The following RALYL variants were observed in gnomAD, a reference collection of about 807,000 sequenced individuals.
RALYL encodes RALY RNA binding protein like.
In RALYL, 29 loss-of-function variants were observed where a neutral mutation model predicts 35.1. That is an observed-to-expected ratio of 0.83 (90% CI 0.61 to 1.13). The LOEUF is 1.13. Among genes scored for constraint, RALYL ranks in the 50% most tolerant of loss-of-function variants. The probability of loss-of-function intolerance (pLI) is 0.00; values close to 1 mark genes in which losing one functional copy is unlikely to be tolerated. For synonymous variants in RALYL, 120 were observed against 127.6 expected, an observed-to-expected ratio of 0.94 and a Z score of 0.40; for missense variants, 359 against 360.4, an observed-to-expected ratio of 1.00 and a Z score of 0.03.
At chr8:84,550,536 G>T (rs2060644704) in intron 2 of RALYL, among the ~76,000 whole-genome samples, 1 of 151,662 alleles carries the variant, frequency 6.6e-6, no homozygotes, top group Non-Finnish European at 1.5e-5. Flanking sequence ...AAGTGAAGCT[G>T]AAAAATTACC....
intron 1 of RALYL, among the ~76,000 whole-genome samples, chr8:84,375,251 C>T (rs1856683404): frequency 6.6e-6 from 1 of 151,760 alleles, no homozygotes; most frequent in Non-Finnish European, 1.5e-5. Flanking sequence ...CTATTATTTG[C>T]CATTCAGTAT....
At chr8:84,329,353 T>A (rs775516427) in intron 1 of RALYL, among the ~76,000 whole-genome samples, 3 of 152,128 alleles carry the variant, frequency 2.0e-5, no homozygotes, top group Non-Finnish European at 4.4e-5. Flanking sequence ...TCTCTGATGA[T>A]TAGTGATGTA....
At chr8:84,790,735 T>C (rs1820575626) in intron 3 of RALYL, among the ~76,000 whole-genome samples, 1 of 152,134 alleles carries the variant, frequency 6.6e-6, no homozygotes, top group African/African-American at 2.4e-5. Flanking sequence ...GCAGTTACAT[T>C]GTGGAAGAAG....
intron 2 of RALYL, among the ~76,000 whole-genome samples, chr8:84,575,710 A>C (rs897645615): frequency 6.6e-6 from 1 of 152,188 alleles, no homozygotes; most frequent in Non-Finnish European, 1.5e-5. Flanking sequence ...TCTCATTGGC[A>C]TATCCAAGAG....
chr8:84,710,325 G>A lies in RALYL; in HGVS notation c.257-64254G>A, dbSNP rs554557175. Among the ~76,000 whole-genome samples, 6 of 152,052 alleles carry A rather than the reference G, an allele frequency of 3.9e-5. No homozygotes were observed. In the South Asian group the frequency reaches 1.2e-3, roughly 32 times the overall value. The stretch of plus-strand genomic sequence containing the variant: ...GTTTGTTTGTTTGTTTTGAGACAGA[G>A]CCTCACTCTGTCACCAAGCTGGAGT... On this transcript the variant is annotated intron_variant, in intron 2 of 8. Coordinates refer to ENST00000521268, the MANE Select transcript of RALYL (RefSeq NM_173848.7).
intron 1 of RALYL, among the ~76,000 whole-genome samples, chr8:84,340,755 T>G (rs2130876412): frequency 6.6e-6 from 1 of 152,196 alleles, no homozygotes. Context: ...CTTGGCTGTT[T>G]TAAATGATGC....
At chr8:84,609,904 C>T (rs1010314381) in intron 2 of RALYL, among the ~76,000 whole-genome samples, 2 of 152,052 alleles carry the variant, frequency 1.3e-5, no homozygotes, top group Admixed American at 6.6e-5. Flanking sequence ...GGATGCCTCA[C>T]GTAGTGGCAG....
At chr8:84,219,560 G>A (rs978352537) in intron 1 of RALYL, among the ~76,000 whole-genome samples, 20 of 150,940 alleles carry the variant, frequency 1.3e-4, no homozygotes, top group East Asian at 7.7e-4. Flanking sequence ...CTCACACTTC[G>A]TATTAAGTGT....
At chr8:84,414,914 C>T (rs543308411) in intron 1 of RALYL, among the ~76,000 whole-genome samples, 4 of 152,214 alleles carry the variant, frequency 2.6e-5, no homozygotes, top group African/African-American at 9.6e-5. Flanking sequence ...TGGTAATCAT[C>T]GGAAGCACTT....
At chr8:84,226,874 C>A (rs975759718) in intron 1 of RALYL, among the ~76,000 whole-genome samples, 2 of 151,896 alleles carry the variant, frequency 1.3e-5, no homozygotes, top group Non-Finnish European at 2.9e-5. Flanking sequence ...GATCACATTG[C>A]AATATGTTGC....
intron 2 of RALYL, among the ~76,000 whole-genome samples, chr8:84,700,006 A>G (rs922580706): frequency 1.3e-5 from 2 of 152,120 alleles, no homozygotes; most frequent in Non-Finnish European, 2.9e-5. Context: ...AAATACTTGA[A>G]CCCATCCAAA....
intron 4 of RALYL, among the ~76,000 whole-genome samples, chr8:84,814,636 A>ACTGT (rs1826746420): frequency 1.3e-5 from 2 of 152,168 alleles, no homozygotes; most frequent in Admixed American, 1.3e-4. Flanking sequence ...GGAAAAAAAA[A>ACTGT]CTGTCAAAGA....
At chr8:84,577,803 G>C (rs1244220997) in intron 2 of RALYL, among the ~76,000 whole-genome samples, 2 of 152,094 alleles carry the variant, frequency 1.3e-5, no homozygotes, top group East Asian at 3.9e-4. Flanking sequence ...GAAAAGTTTT[G>C]ATTCATCATA....
At chr8:84,885,519 G>C (rs1842806826) in intron 7 of RALYL, among the ~76,000 whole-genome samples, 1 of 152,066 alleles carries the variant, frequency 6.6e-6, no homozygotes, top group Non-Finnish European at 1.5e-5. Context: ...AAGATAAAAA[G>C]TATAGTTTTA....
At chr8:84,463,585 T>A (rs140329713) in intron 1 of RALYL, among the ~76,000 whole-genome samples, 1 of 152,186 alleles carries the variant, frequency 6.6e-6, no homozygotes, top group East Asian at 1.9e-4. Context: ...AGATTTAGCG[T>A]GTGTCTGATA....
Position 84,508,197 on chromosome 8 carries a change from C to G in RALYL, c.-23-21102C>G, listed in dbSNP as rs146527162. 1.1e-3 allele frequency among the ~76,000 whole-genome samples: 165 copies of G among 151,926 alleles called. 2 individuals are homozygous for G. The highest frequency in any genetic ancestry group is 3.8e-3 in the African/African-American group (158 of 41,468). ...AGCATGTGTTGTTCAAGTTCACATG[C>G]CTTGAAAAAAAATAAGATCTCTAAT... On this transcript the variant is annotated intron_variant, in intron 1 of 8. Coordinates refer to ENST00000521268, the MANE Select transcript of RALYL (RefSeq NM_173848.7).
intron 2 of RALYL, among the ~76,000 whole-genome samples, chr8:84,552,278 T>C (rs1043594754): frequency 2.7e-5 from 4 of 147,296 alleles, no homozygotes; most frequent in Non-Finnish European, 4.5e-5. Context: ...ATATTTTCAA[T>C]TAAATTTAAA....
At chr8:84,844,312 C>A (rs1281128934) in intron 4 of RALYL, among the ~76,000 whole-genome samples, 5 of 151,938 alleles carry the variant, frequency 3.3e-5, no homozygotes, top group South Asian at 2.1e-4. Flanking sequence ...GGCAAAGGAC[C>A]TGAACAGACA....
chr8:84,826,789 A>G (rs1829824440), intron 4 of RALYL, among the ~76,000 whole-genome samples: 1 of 151,736 alleles, frequency 6.6e-6, no homozygotes, highest in African/African-American at 2.4e-5. Flanking sequence ...CCCGCCACAC[A>G]CACTCACAAA....
Sources: allele counts gnomAD v4.1 joint callset (sites outside exome capture counted in the v4.1 genomes callset), GRCh38; gene constraint gnomAD v4.1.1; transcripts MANE v1.5; gene names NCBI Gene and HGNC (gene_info 2026-07-23, HGNC 2026-07-21).